The following ZFHX3 variants were observed in gnomAD, a reference collection of about 807,000 sequenced individuals.
The protein encoded by ZFHX3 is zinc finger homeobox 3.
A neutral mutation model predicts 279.1 loss-of-function variants in ZFHX3; 42 were observed. The ratio of observed to expected loss-of-function variants is 0.15; its 90% CI spans 0.12 to 0.19. The LOEUF is 0.19. ZFHX3 is among the 10% of genes least tolerant of loss of function. The probability of loss-of-function intolerance (pLI) is 1.00; values close to 1 mark genes in which losing one functional copy is unlikely to be tolerated. For missense variants in ZFHX3, 4,981 were observed against 4,754.0 expected, an observed-to-expected ratio of 1.05 and a Z score of -1.40; for synonymous variants, 2,293 against 1,957.8, an observed-to-expected ratio of 1.17 and a Z score of -4.52.
chr16:73,191,099 C>T (rs572908203), intron 5 of ZFHX3, among the ~76,000 whole-genome samples: 74 of 152,064 alleles, frequency 4.9e-4, no homozygotes, highest in South Asian at 2.5e-3. Flanking sequence ...TATTCAGAGG[C>T]GTGGGAGAGG....
chr16:73,522,209 A>G (rs759026810), intron 2 of ZFHX3, among the ~76,000 whole-genome samples: 2 of 152,244 alleles, frequency 1.3e-5, no homozygotes, highest in Non-Finnish European at 2.9e-5. Flanking sequence ...GATAAATCAG[A>G]AATTCATTTG....
At chr16:73,855,276 G>A (rs997031475) in intron 1 of ZFHX3, among the ~76,000 whole-genome samples, 15 of 126,888 alleles carry the variant, frequency 1.2e-4, no homozygotes, top group African/African-American at 2.8e-4. Flanking sequence ...ACATTTGCCC[G>A]TGAAATTCAG....
At chr16:73,181,171 G>T (rs1377188320) in intron 5 of ZFHX3, among the ~76,000 whole-genome samples, 1 of 151,476 alleles carries the variant, frequency 6.6e-6, no homozygotes, top group Non-Finnish European at 1.5e-5. Context: ...TATAATCTCG[G>T]CTCACTGCAA....
rs569498002 is a variant in ZFHX3, at chr16:72,799,492, T to G, written c.3967+535A>C. Among the ~76,000 whole-genome samples, 3 of 152,298 alleles carry G rather than the reference T, an allele frequency of 2.0e-5. No homozygotes were observed. In the East Asian group the frequency reaches 5.8e-4, roughly 29 times the overall value. The stretch of plus-strand genomic sequence containing the variant: ...CTCTTCCCACCTTAGAGGTGAACGA[T>G]GTAGGACAGCCTCACAGAGGTCTAA... On this transcript the variant is annotated intron_variant, in intron 8 of 9. Coordinates refer to ENST00000268489, the MANE Select transcript of ZFHX3 (RefSeq NM_006885.4).
chr16:73,770,515 A>G (rs866606944), intron 1 of ZFHX3, among the ~76,000 whole-genome samples: 2 of 152,362 alleles, frequency 1.3e-5, no homozygotes, highest in African/African-American at 4.8e-5. Context: ...ATGGTCAGTT[A>G]TGTGTTAATA....
chr16:73,835,458 CTTTTTTTTTTT>C (rs34127285), intron 1 of ZFHX3, among the ~76,000 whole-genome samples: 1 of 49,530 alleles, frequency 2.0e-5, no homozygotes, highest in Non-Finnish European at 4.1e-5. Context: ...CCCTCTTCTG[CTTTTTTTTTTT>C]TTTTTTTTTT....
intron 1 of ZFHX3, among the ~76,000 whole-genome samples, chr16:73,709,431 C>G (rs970350557): frequency 6.6e-5 from 10 of 151,650 alleles, no homozygotes; most frequent in Non-Finnish European, 1.2e-4. Flanking sequence ...ATATAGACGA[C>G]AGAACACTAT....
chr16:73,215,055 A>C (rs965187429), intron 5 of ZFHX3, among the ~76,000 whole-genome samples: 2 of 152,068 alleles, frequency 1.3e-5, no homozygotes, highest in African/African-American at 2.4e-5. Flanking sequence ...TCTTTGCCAT[A>C]AATAACGGAT....
At chr16:73,876,811 T>C (rs1333405057) in intron 1 of ZFHX3, among the ~76,000 whole-genome samples, 1 of 152,168 alleles carries the variant, frequency 6.6e-6, no homozygotes. Context: ...GAGCTTTGTT[T>C]CTTTTTTCAA....
chr16:73,486,869 C>G (rs1567498775), intron 2 of ZFHX3: 1 of 455,970 alleles, frequency 2.2e-6, no homozygotes, highest in Admixed American at 2.4e-5. Flanking sequence ...GGAGCAAGAC[C>G]ACTTCAACTC....
At chr16:73,715,364 C>T (rs966671740) in intron 1 of ZFHX3, among the ~76,000 whole-genome samples, 10 of 152,106 alleles carry the variant, frequency 6.6e-5, no homozygotes, top group African/African-American at 2.2e-4. Flanking sequence ...AATTACCACA[C>T]GGACGTAGAC....
At chr16:73,481,664 G>A (rs1482410930) in intron 2 of ZFHX3, among the ~76,000 whole-genome samples, 1 of 151,444 alleles carries the variant, frequency 6.6e-6, no homozygotes, top group African/African-American at 2.4e-5. Flanking sequence ...TTGTTTGTTT[G>A]TTTGTTTTTG....
At position 73,773,771 on chromosome 16, in the gene ZFHX3, TG is replaced by T. The variant is rs569453174; in HGVS notation, c.-1607-93532del. On this transcript the variant is annotated intron_variant, in intron 1 of 17. Coordinates refer to the ZFHX3 transcript ENST00000641206. ...TTGATGAAAACACCTAGGGGGCAAA[TG>T]TAAAGAAAGGAGAGAAGGTTTAGAG... Among the ~76,000 whole-genome samples, 471 of 152,022 alleles carry T rather than the reference TG, an allele frequency of 3.1e-3. 4 individuals carry two copies. The highest frequency in any genetic ancestry group is 4.4e-3 in the Non-Finnish European group (300 of 67,964).
intron 4 of ZFHX3, among the ~76,000 whole-genome samples, chr16:72,885,650 T>A (rs1459435124): frequency 6.6e-6 from 1 of 152,108 alleles, no homozygotes; most frequent in Non-Finnish European, 1.5e-5. Context: ...TAGATACCTG[T>A]AGGAGGTGAC....
At chr16:73,479,440 C>G (rs7193665) in intron 2 of ZFHX3, among the ~76,000 whole-genome samples, 29,783 of 152,100 alleles carry the variant, frequency 0.2, 3,137 homozygotes, top group African/African-American at 0.27. Context: ...CTGGAGATAC[C>G]TTTCTCAGCC....
chr16:73,756,863 T>C (rs1040606630), intron 1 of ZFHX3, among the ~76,000 whole-genome samples: 4 of 152,116 alleles, frequency 2.6e-5, no homozygotes, highest in Non-Finnish European at 4.4e-5. Context: ...AATAGTGCCG[T>C]GTATGTTATT....
intron 1 of ZFHX3, among the ~76,000 whole-genome samples, chr16:73,740,423 G>A (rs530531392): frequency 6.3e-4 from 96 of 152,192 alleles, no homozygotes; most frequent in South Asian, 4.6e-3. Context: ...AGTGGGGACC[G>A]TTGGTCAGGG....
At chr16:73,537,041 A>T (rs2019914210) in intron 2 of ZFHX3, among the ~76,000 whole-genome samples, 1 of 152,214 alleles carries the variant, frequency 6.6e-6, no homozygotes, top group African/African-American at 2.4e-5. Flanking sequence ...CATCCAAGAG[A>T]TACCAGCAAT....
At chr16:73,642,708 A>G (rs534541344) in intron 2 of ZFHX3, among the ~76,000 whole-genome samples, 65 of 152,286 alleles carry the variant, frequency 4.3e-4, no homozygotes, top group African/African-American at 1.3e-3. Context: ...ACCCTTCCAC[A>G]TAGGTACCCT....
Sources: gnomAD v4.1 joint callset for allele counts (sites outside exome capture counted in the v4.1 genomes callset) on GRCh38, gnomAD v4.1.1 for gene constraint, MANE v1.5 for transcripts, NCBI Gene and HGNC (gene_info 2026-07-23, HGNC 2026-07-21) for gene names.